The following VWA8 variants were observed in gnomAD, a reference collection of about 807,000 sequenced individuals.
VWA8 encodes von Willebrand factor A domain containing 8, also known as von Willebrand factor A domain-containing protein 8.
VWA8 carries 221 observed loss-of-function variants against 241.5 expected under a neutral mutation model. That is an observed-to-expected ratio of 0.91 (90% CI 0.82 to 1.02). The LOEUF (loss-of-function observed/expected upper bound fraction) is 1.02. VWA8 is among the 50% of genes least tolerant of loss of function. The probability of loss-of-function intolerance (pLI) is 0.00; values close to 1 mark genes in which losing one functional copy is unlikely to be tolerated. For synonymous variants in VWA8, 852 were observed against 827.1 expected, an observed-to-expected ratio of 1.03 and a Z score of -0.52; for missense variants, 2,322 against 2,328.7, an observed-to-expected ratio of 1.00 and a Z score of 0.06.
chr13:41,608,131 C>T (rs2044564365), intron 39 of VWA8, among the ~76,000 whole-genome samples: 1 of 152,112 alleles, frequency 6.6e-6, no homozygotes, highest in Non-Finnish European at 1.5e-5. Context: ...CTGATCTTTG[C>T]AGAGTGATCA....
chr13:41,707,084 A>G (rs1403894084), intron 26 of VWA8, among the ~76,000 whole-genome samples: 1 of 152,272 alleles, frequency 6.6e-6, no homozygotes, highest in East Asian at 1.9e-4. Flanking sequence ...GAGTATCATA[A>G]TTATGACTCA....
Position 41,628,715 on chromosome 13 carries a change from G to A in VWA8, c.4612-13631C>T, listed in dbSNP as rs1048745453. ...ATAGTGCATGTTCTCACTTATAAGT[G>A]GGATCTAAACATTAAATACACATGG... On this transcript the variant is annotated intron_variant, in intron 37 of 44. Coordinates refer to ENST00000379310, the MANE Select transcript of VWA8 (RefSeq NM_015058.2). Among the ~76,000 whole-genome samples, 33 of 152,130 alleles carry A rather than the reference G, an allele frequency of 2.2e-4. 1 individual carries two copies. The highest frequency in any genetic ancestry group is 1.0e-4 in the Non-Finnish European group (7 of 68,040).
In VWA8 at chr13:41,907,611, G is replaced by A; in HGVS notation, c.458C>T (p.Ala153Val). Residue 153 changes from alanine to valine, a missense_variant, in exon 4 of 45, where the codon GCA (alanine) becomes GTA (valine). Transcript: ENST00000379310. ...TDLKQRREIR[A>V]GTAFYIDQCA... is the part of the protein sequence containing the mutation. ...CTGATCAATGTAAAAGGCTGTGCCT[G>A]CACGGATCTCTCGTCGCTGTTTGAG... is the stretch of plus-strand genomic sequence containing the variant. 1.9e-6 allele frequency: 3 copies of A among 1,614,154 alleles called. No homozygotes were observed. The highest frequency in any genetic ancestry group is 2.5e-6 in the Non-Finnish European group (3 of 1,179,992).
intron 14 of VWA8, among the ~76,000 whole-genome samples, chr13:41,821,013 C>A (rs180993531): frequency 6.6e-6 from 1 of 152,184 alleles, no homozygotes; most frequent in East Asian, 1.9e-4. Context: ...GTGAAGGATA[C>A]CAAATCAGGG....
chr13:41,839,718 C>T (rs7320307), intron 12 of VWA8, among the ~76,000 whole-genome samples: 110,710 of 151,984 alleles, frequency 0.73, 41,229 homozygotes, highest in East Asian at 0.89. Context: ...TGTGGTGTTA[C>T]ATCTGAGGCA....
At chr13:41,600,960 A>G (rs2044517431) in intron 40 of VWA8, among the ~76,000 whole-genome samples, 1 of 151,870 alleles carries the variant, frequency 6.6e-6, no homozygotes, top group Admixed American at 6.6e-5. Context: ...CCTGGCTTCC[A>G]CCTCTCTTGT....
chr13:41,915,352 G>C (rs2138118185), intron 2 of VWA8, among the ~76,000 whole-genome samples: 1 of 152,314 alleles, frequency 6.6e-6, no homozygotes, highest in East Asian at 1.9e-4. Context: ...GTTCTCAACT[G>C]GTGACCATAC....
intron 12 of VWA8, among the ~76,000 whole-genome samples, chr13:41,836,812 A>ATTT (rs1297845350): frequency 6.6e-6 from 1 of 152,190 alleles, no homozygotes; most frequent in Non-Finnish European, 1.5e-5. Context: ...TTGCTACACA[A>ATTT]TATGCAGCAG....
chr13:41,901,673 T>C (rs1232718353), intron 4 of VWA8, among the ~76,000 whole-genome samples: 3 of 151,746 alleles, frequency 2.0e-5, no homozygotes, highest in East Asian at 3.9e-4. Flanking sequence ...GAAACCAGCC[T>C]GGCCAACATG....
At chr13:41,673,912 A>G (rs1464834798) in intron 36 of VWA8, among the ~76,000 whole-genome samples, 1 of 152,212 alleles carries the variant, frequency 6.6e-6, no homozygotes, top group Non-Finnish European at 1.5e-5. Flanking sequence ...CTGAAATAAA[A>G]AACTAGTGAG....
At chr13:41,817,012 CAT>C (rs939260630) in intron 15 of VWA8, among the ~76,000 whole-genome samples, 2 of 152,140 alleles carry the variant, frequency 1.3e-5, no homozygotes, top group African/African-American at 4.8e-5. Context: ...CACTCTTCTC[CAT>C]ATACAATTCT....
chr13:41,946,497 T>C (rs1418324774), intron 2 of VWA8, among the ~76,000 whole-genome samples: 1 of 152,122 alleles, frequency 6.6e-6, no homozygotes, highest in Non-Finnish European at 1.5e-5. Flanking sequence ...AAGATATAGT[T>C]TGTATGACAA....
Position 41,865,954 on chromosome 13 carries a change from G to A in VWA8, c.1295C>T (p.Ala432Val). 5 of 1,614,188 alleles carry A rather than the reference G, an allele frequency of 3.1e-6. No individual in the cohort carries two copies. The highest frequency in any genetic ancestry group is 4.2e-6 in the Non-Finnish European group (5 of 1,180,042). Residue 432 changes from alanine (A) to valine (V), a missense_variant, in exon 11 of 45, where the codon GCT becomes GTT. Transcript: ENST00000379310. ...AACCATGTGAGACTGCATCATTTCAGCCTGTAGCTGCTTATGGCTCAAAGT... is the reference window on the plus strand; with the variant it reads ...AACCATGTGAGACTGCATCATTTCAACCTGTAGCTGCTTATGGCTCAAAGT... ...IQTLSHKQLQAEMMQSHMVKD... is the reference protein window; with the variant it reads ...IQTLSHKQLQVEMMQSHMVKD...
At chr13:41,594,854 T>C (rs1203855600) in intron 40 of VWA8, among the ~76,000 whole-genome samples, 2 of 152,234 alleles carry the variant, frequency 1.3e-5, no homozygotes, top group Admixed American at 6.5e-5. Flanking sequence ...CAAGATTCTT[T>C]GCTGCAGAAA....
chr13:41,683,482 T>C (rs1471037306), intron 35 of VWA8, among the ~76,000 whole-genome samples: 2 of 152,142 alleles, frequency 1.3e-5, no homozygotes, highest in African/African-American at 2.4e-5. Context: ...GGGGAAGTTT[T>C]TGGGGTGATG....
At chr13:41,728,383 G>A (rs1039492867) in intron 23 of VWA8, among the ~76,000 whole-genome samples, 1 of 152,026 alleles carries the variant, frequency 6.6e-6, no homozygotes, top group African/African-American at 2.4e-5. Flanking sequence ...GATGGTTCAT[G>A]AAACTACATT....
chr13:41,901,905 TATATATATAC>T (rs1223270268), intron 4 of VWA8, among the ~76,000 whole-genome samples: 1,274 of 100,690 alleles, frequency 0.013, 40 homozygotes, highest in Middle Eastern at 0.021. Context: ...TATATATATA[TATATATATAC>T]ACACACATAT....
intron 21 of VWA8, among the ~76,000 whole-genome samples, chr13:41,739,827 GTTTTTT>G (rs779464048): frequency 1.5e-3 from 134 of 88,982 alleles, no homozygotes; most frequent in Non-Finnish European, 1.4e-3. Flanking sequence ...TTGTTTTTTT[GTTTTTT>G]TTTTTGTTTT....
At chr13:41,613,413 T>C (rs2044601984) in intron 38 of VWA8, among the ~76,000 whole-genome samples, 1 of 152,188 alleles carries the variant, frequency 6.6e-6, no homozygotes, top group African/African-American at 2.4e-5. Context: ...CAATGAGCTA[T>C]AGGAGGAAAA....
Sources: gnomAD v4.1 joint callset for allele counts (sites outside exome capture counted in the v4.1 genomes callset) on GRCh38, gnomAD v4.1.1 for gene constraint, MANE v1.5 for transcripts, NCBI Gene and HGNC (gene_info 2026-07-23, HGNC 2026-07-21) for gene names.